The following COL24A1 variants were observed in gnomAD, a reference collection of about 807,000 sequenced individuals.
The protein encoded by COL24A1 is collagen alpha-1(XXIV) chain.
In COL24A1, 224 loss-of-function variants were observed where a neutral mutation model predicts 253.9. The observed-to-expected ratio is 0.88, with a 90% CI of 0.79 to 0.99. The LOEUF (loss-of-function observed/expected upper bound fraction) is 0.99. Among genes scored for constraint, COL24A1 ranks in the 50% least tolerant of loss-of-function variants. The pLI, the probability that COL24A1 is intolerant of heterozygous loss-of-function variation, is 0.00. For missense variants in COL24A1, 2,131 were observed against 2,068.5 expected, an observed-to-expected ratio of 1.03 and a Z score of -0.59; for synonymous variants, 685 against 673.7, an observed-to-expected ratio of 1.02 and a Z score of -0.26.
At chr1:86,068,150 A>G (rs1701625382) in intron 7 of COL24A1, among the ~76,000 whole-genome samples, 1 of 152,256 alleles carries the variant, frequency 6.6e-6, no homozygotes, top group South Asian at 2.1e-4. Context: ...AAATTTTAAC[A>G]ACTATCCACA....
chr1:85,954,120 C>T (rs1483513521), intron 24 of COL24A1, among the ~76,000 whole-genome samples: 3 of 152,072 alleles, frequency 2.0e-5, no homozygotes, highest in Non-Finnish European at 4.4e-5. Flanking sequence ...AAGAAGGGTA[C>T]TCTCTTGTTT....
At chr1:85,891,845 G>A (rs4912448) in intron 31 of COL24A1, among the ~76,000 whole-genome samples, 38,803 of 151,992 alleles carry the variant, frequency 0.26, 5,911 homozygotes, top group East Asian at 0.34. Context: ...GCAAAGCTAC[G>A]AAATAATTTA....
chr1:86,027,875 C>A (rs953138994), intron 14 of COL24A1, among the ~76,000 whole-genome samples: 1 of 152,174 alleles, frequency 6.6e-6, no homozygotes, highest in Admixed American at 6.5e-5. Context: ...GGGTCTTTAC[C>A]CTTTAAAGCT....
chr1:85,880,260 T>C (rs912733709), intron 32 of COL24A1, among the ~76,000 whole-genome samples: 3 of 152,234 alleles, frequency 2.0e-5, no homozygotes, highest in Non-Finnish European at 2.9e-5. Context: ...TCTTTCTCTC[T>C]TTTTTGGTGC....
In COL24A1 at chr1:85,961,277, T is replaced by C. The variant is rs1553243341; in HGVS notation, c.2534A>G (p.Gln845Arg). The C allele has an allele frequency of 1.2e-6, 2 of 1,605,322 alleles. No homozygotes were observed. Among genetic ancestry groups the C allele is most frequent in the African/African-American group, 1.3e-5 (1 of 74,704 alleles). Reference protein sequence around the residue: ...PEGLKGEVGDQGNIGKIGETG... With the variant: ...PEGLKGEVGDRGNIGKIGETG... The stretch of plus-strand genomic sequence containing the variant: ...TTCACCAATTTTTCCAATATTTCCT[T>C]GATCTCCTACTTCTCCCTGTCAAAA... Residue 845 changes from glutamine (Q) to arginine (R), a missense_variant, in exon 24 of 60, where the codon CAA becomes CGA. Transcript: ENST00000370571.
chr1:85,741,036 T>G (rs979320571), intron 57 of COL24A1, among the ~76,000 whole-genome samples: 2 of 148,808 alleles, frequency 1.3e-5, no homozygotes, highest in Non-Finnish European at 3.0e-5. Flanking sequence ...GGAGAATCGC[T>G]TGAACCTGGA....
chr1:85,755,549 TAGAG>T (rs1336933611), intron 55 of COL24A1, among the ~76,000 whole-genome samples: 1 of 152,078 alleles, frequency 6.6e-6, no homozygotes, highest in Non-Finnish European at 1.5e-5. Context: ...TGAAATATAA[TAGAG>T]AGTCCAGAAA....
chr1:85,892,573 AT>A (rs1013727719), intron 31 of COL24A1, among the ~76,000 whole-genome samples: 5 of 152,000 alleles, frequency 3.3e-5, no homozygotes, highest in Non-Finnish European at 5.9e-5. Flanking sequence ...AATGATAAAC[AT>A]TTTTTCCCCA....
chr1:85,776,515 C>T (rs984279257), intron 52 of COL24A1, among the ~76,000 whole-genome samples: 19 of 151,986 alleles, frequency 1.3e-4, no homozygotes, highest in African/African-American at 4.1e-4. Context: ...TACTATTCAT[C>T]TTTTCTGTAA....
intron 3 of COL24A1, among the ~76,000 whole-genome samples, chr1:86,115,852 T>C (rs1338043327): frequency 6.6e-6 from 1 of 152,242 alleles, no homozygotes; most frequent in African/African-American, 2.4e-5. Flanking sequence ...TAAACTGTTA[T>C]AATGAAATCC....
At chr1:85,961,811 A>G (rs1488085643) in intron 23 of COL24A1, among the ~76,000 whole-genome samples, 2 of 152,148 alleles carry the variant, frequency 1.3e-5, no homozygotes, top group African/African-American at 4.8e-5. Flanking sequence ...GAAGTGCCAC[A>G]CACGTTTAAA....
At chr1:85,925,158 C>A (rs971862230) in intron 24 of COL24A1, among the ~76,000 whole-genome samples, 1 of 152,188 alleles carries the variant, frequency 6.6e-6, no homozygotes, top group East Asian at 1.9e-4. Context: ...AACCACTGAA[C>A]AATGAAATAA....
At chr1:86,022,147 G>A (rs1697596322) in intron 18 of COL24A1, 93 bp downstream of exon 18, 4 of 1,081,658 alleles carry the variant, frequency 3.7e-6, no homozygotes, top group Non-Finnish European at 5.7e-6. Context: ...ATGCTCAGTA[G>A]GCTTATACCC....
At chr1:86,087,776 G>A (rs1703178650) in intron 7 of COL24A1, among the ~76,000 whole-genome samples, 1 of 152,086 alleles carries the variant, frequency 6.6e-6, no homozygotes, top group Non-Finnish European at 1.5e-5. Flanking sequence ...AAATAAACAG[G>A]TTCATGACTG....
intron 3 of COL24A1, among the ~76,000 whole-genome samples, chr1:86,117,906 CAGTT>C (rs933002344): frequency 7.2e-5 from 11 of 152,148 alleles, no homozygotes; most frequent in Admixed American, 6.6e-4. Context: ...TTAGACAAGT[CAGTT>C]ACTCTTTCTA....
chr1:85,952,462 ATC>A lies in COL24A1; in HGVS notation c.2562+8785_2562+8786del, dbSNP rs199898227. On this transcript the variant is annotated intron_variant, in intron 24 of 59. Coordinates refer to ENST00000370571, the MANE Select transcript of COL24A1 (RefSeq NM_152890.7). The stretch of plus-strand genomic sequence containing the variant: ...CAACACAATTTGTCTGCTAATTTGA[ATC>A]TGTTTTCTGATTTGAGAGTAAGAGT... 8.5e-5 allele frequency among the ~76,000 whole-genome samples: 13 copies of A among 152,368 alleles called. No homozygotes were observed. In the East Asian group the frequency reaches 2.5e-3, roughly 29 times the overall value.
chr1:86,137,103 G>A (rs1406611344), intron 2 of COL24A1, among the ~76,000 whole-genome samples: 2 of 151,928 alleles, frequency 1.3e-5, no homozygotes, highest in East Asian at 1.9e-4. Context: ...TTACAATTAG[G>A]GGTTGAATTT....
Position 86,033,484 on chromosome 1 carries a change from A to G in COL24A1, c.2004+386T>C, listed in dbSNP as rs568759709. 7.7e-4 allele frequency among the ~76,000 whole-genome samples: 118 copies of G among 152,306 alleles called. 1 individual carries two copies. Among genetic ancestry groups the G allele is most frequent in the African/African-American group, 2.7e-3 (113 of 41,584 alleles). On this transcript the variant is annotated intron_variant, in intron 13 of 59. Coordinates refer to ENST00000370571, the MANE Select transcript of COL24A1 (RefSeq NM_152890.7). ...TAATCCCAAAGTAGAATAATTTTCTATAAAACACTAAGAAGTAAGGTGGAT... is the reference window on the plus strand; with the variant it reads ...TAATCCCAAAGTAGAATAATTTTCTGTAAAACACTAAGAAGTAAGGTGGAT...
At chr1:85,745,372 CA>C in intron 56 of COL24A1, 68 bp downstream of exon 56, 4 of 1,163,508 alleles carry the variant, frequency 3.4e-6, no homozygotes, top group Non-Finnish European at 3.6e-6. Context: ...TTTTGGCCTC[CA>C]AAAATTTTCT....
Sources: allele counts gnomAD v4.1 joint callset (sites outside exome capture counted in the v4.1 genomes callset), GRCh38; gene constraint gnomAD v4.1.1; transcripts MANE v1.5; gene names NCBI Gene and HGNC (gene_info 2026-07-23, HGNC 2026-07-21).